CATSPERT: variants seen among roughly 807,000 people sequenced by gnomAD.
CATSPERT encodes the protein cation channel sperm-associated targeting subunit tau.
the CATSPERT span, among the ~76,000 whole-genome samples, chr2:201,517,782 G>T: frequency 6.6e-6 from 1 of 152,142 alleles, no homozygotes; most frequent in Non-Finnish European, 1.5e-5. Flanking sequence ...TTTCTACCTT[G>T]TTAGTAGCTG....
chr2:201,493,058 A>G, the CATSPERT span: 8 of 1,536,258 alleles, frequency 5.2e-6, no homozygotes, highest in Non-Finnish European at 7.0e-6. Context: ...AGTCTTTCTA[A>G]TTCTTTTTCT....
the CATSPERT span, chr2:201,491,677 G>A: frequency 6.5e-7 from 1 of 1,537,036 alleles, no homozygotes; most frequent in Non-Finnish European, 8.7e-7. Flanking sequence ...TCTGGCATTA[G>A]GAATTCTTGG....
chr2:201,596,364 G>C, the CATSPERT span, among the ~76,000 whole-genome samples: 7 of 152,148 alleles, frequency 4.6e-5, no homozygotes, highest in Non-Finnish European at 8.8e-5. Context: ...TTATAGGTGG[G>C]AGCTAAATGA....
At chr2:201,509,855 A>AACT in the CATSPERT span, among the ~76,000 whole-genome samples, 1 of 150,928 alleles carries the variant, frequency 6.6e-6, no homozygotes, top group Non-Finnish European at 1.5e-5. Context: ...TTTAGATCAC[A>AACT]ACTGTTCTCT....
chr2:201,578,600 G>C, the CATSPERT span, among the ~76,000 whole-genome samples: 1 of 151,916 alleles, frequency 6.6e-6, no homozygotes, highest in East Asian at 1.9e-4. Context: ...ATGTTTATAA[G>C]AATGAATTGG....
the CATSPERT span, among the ~76,000 whole-genome samples, chr2:201,541,359 T>C: frequency 6.6e-6 from 1 of 151,602 alleles, no homozygotes; most frequent in Non-Finnish European, 1.5e-5. Context: ...AAATCCTTCA[T>C]GAAAGGAAGA....
the CATSPERT span, among the ~76,000 whole-genome samples, chr2:201,585,887 A>G: frequency 2.0e-5 from 3 of 152,276 alleles, no homozygotes; most frequent in Admixed American, 6.5e-5. Flanking sequence ...GCATGCGTCC[A>G]CTTACACATG....
At chr2:201,553,450 C>T in the CATSPERT span, 1 of 152,164 alleles carries the variant, frequency 6.6e-6, no homozygotes, top group South Asian at 2.1e-4. Context: ...CCAATGACTA[C>T]ATGTAATTAT....
At chr2:201,560,626 TAAAC>T in the CATSPERT span, among the ~76,000 whole-genome samples, 1 of 152,010 alleles carries the variant, frequency 6.6e-6, no homozygotes, top group Non-Finnish European at 1.5e-5. Context: ...GGGACACTGT[TAAAC>T]AAACAAATTA....
chr2:201,535,812 C>T, the CATSPERT span: 131 of 1,433,474 alleles, frequency 9.1e-5, 3 homozygotes, highest in South Asian at 2.0e-3. Context: ...TAGTCTTATA[C>T]TTCTAATATA....
chr2:201,487,712 C>T, the CATSPERT span: 1 of 1,614,142 alleles, frequency 6.2e-7, no homozygotes, highest in Non-Finnish European at 8.5e-7. Context: ...CATTCGACGA[C>T]TTGTAAACTT....
the CATSPERT span, among the ~76,000 whole-genome samples, chr2:201,521,324 G>A: frequency 6.6e-6 from 1 of 152,086 alleles, no homozygotes; most frequent in African/African-American, 2.4e-5. Context: ...CAGTTCCACA[G>A]GCTTAACAGG....
At chr2:201,527,889 A>G in the CATSPERT span, among the ~76,000 whole-genome samples, 1 of 152,220 alleles carries the variant, frequency 6.6e-6, no homozygotes, top group East Asian at 1.9e-4. Flanking sequence ...AATTGCAACA[A>G]AAATAAAAAT....
At chr2:201,504,223 A>G in the CATSPERT span, among the ~76,000 whole-genome samples, 1 of 152,148 alleles carries the variant, frequency 6.6e-6, no homozygotes, top group Admixed American at 6.5e-5. Context: ...CAACCCAATG[A>G]GATCTCCAAG....
At chr2:201,565,647 G>A in the CATSPERT span, 3 of 1,349,916 alleles carry the variant, frequency 2.2e-6, no homozygotes, top group Non-Finnish European at 2.9e-6. Flanking sequence ...TGTCTCAAAG[G>A]GAGAAATTAA....
chr2:201,492,213 A>G, the CATSPERT span: 2 of 1,519,584 alleles, frequency 1.3e-6, no homozygotes, highest in Non-Finnish European at 1.8e-6. Flanking sequence ...GCTTCTCCAC[A>G]AAGTGACAGT....
At chr2:201,568,163 A>C in the CATSPERT span, among the ~76,000 whole-genome samples, 6 of 152,154 alleles carry the variant, frequency 3.9e-5, no homozygotes, top group Non-Finnish European at 5.9e-5. Context: ...AATTTCACTG[A>C]GGTAGAAGGC....
the CATSPERT span, among the ~76,000 whole-genome samples, chr2:201,564,585 T>C: frequency 6.6e-6 from 1 of 152,166 alleles, no homozygotes; most frequent in Admixed American, 6.5e-5. Context: ...GTGATGCTAT[T>C]TGGAGGAAGG....
At chr2:201,506,186 G>A in the CATSPERT span, among the ~76,000 whole-genome samples, 10,358 of 152,210 alleles carry the variant, frequency 0.068, 464 homozygotes, top group African/African-American at 0.12. Flanking sequence ...AGAATGGCGC[G>A]AACCCGGGAG....
Sources: allele counts gnomAD v4.1 joint callset (sites outside exome capture counted in the v4.1 genomes callset), GRCh38; gene constraint gnomAD v4.1.1; transcripts MANE v1.5; gene names NCBI Gene and HGNC (gene_info 2026-07-23, HGNC 2026-07-21).